The following ST14 variants were observed in gnomAD, a reference collection of about 807,000 sequenced individuals.
ST14 encodes the protein suppressor of tumorigenicity 14 protein.
Under a neutral mutation model 96.5 loss-of-function variants are expected in ST14, and 40 were observed. The observed-to-expected ratio is 0.41, with a 90% CI of 0.32 to 0.54. The LOEUF is 0.54. Among genes scored for constraint, ST14 ranks in the 20% least tolerant of loss-of-function variants. The pLI, the probability that ST14 is intolerant of heterozygous loss-of-function variation, is 0.17. For missense variants in ST14, 1,066 were observed against 1,188.9 expected, an observed-to-expected ratio of 0.90 and a Z score of 1.52; for synonymous variants, 506 against 492.1, an observed-to-expected ratio of 1.03 and a Z score of -0.37.
At chr11:130,176,733 G>A (rs1390634372) in intron 1 of ST14, among the ~76,000 whole-genome samples, 4 of 149,622 alleles carry the variant, frequency 2.7e-5, no homozygotes, top group African/African-American at 9.8e-5. Flanking sequence ...CCTGTCTGGC[G>A]ATCTGTGAGA....
chr11:130,203,947 G>A (rs191749544), intron 16 of ST14, among the ~76,000 whole-genome samples: 3 of 152,260 alleles, frequency 2.0e-5, no homozygotes, highest in South Asian at 2.1e-4. Flanking sequence ...GAGCCACCAC[G>A]CCCGGCCACC....
chr11:130,191,653 A>G (rs377753380), intron 7 of ST14, among the ~76,000 whole-genome samples: 28 of 146,810 alleles, frequency 1.9e-4, no homozygotes, highest in South Asian at 6.4e-4. Context: ...TCGTACCACT[A>G]CACTCCAGCC....
chr11:130,209,326 C>A, intron 17 of ST14, 116 bp from the exon 18 acceptor site: 1 of 1,388,754 alleles, frequency 7.2e-7, no homozygotes, highest in Non-Finnish European at 9.9e-7. Context: ...CGTTTGTCAG[C>A]CCCGGGCATC....
rs1447301335 is a variant in ST14 at position 130,187,985 on chromosome 11, C to T, written c.82-129C>T. 2.2e-6 allele frequency: 3 copies of T among 1,334,174 alleles called. No homozygotes were observed. The highest frequency in any genetic ancestry group is 5.0e-5 in the East Asian group (2 of 39,894). 82.6% of individuals were successfully genotyped at this position (1,334,174 alleles called of 1,614,324 possible). On this transcript the variant is annotated intron_variant, in intron 1 of 18. Transcript: ENST00000278742. The surrounding 1 kb of genome is among the most constrained non-coding windows in gnomAD (Gnocchi z 4.5). Reference sequence around the variant, plus strand: ...GTCCCCATGCCTCTGGGGGAAGCCCCCTTCTTCTCACCCAAGCCCCTGCTT... The same window carrying T: ...GTCCCCATGCCTCTGGGGGAAGCCCTCTTCTTCTCACCCAAGCCCCTGCTT...
chr11:130,197,732 C>T (rs1457228068), intron 11 of ST14, 109 bp from the exon 12 acceptor site: 1 of 934,334 alleles, frequency 1.1e-6, no homozygotes, highest in Admixed American at 2.2e-5. Context: ...CAGCACCTGC[C>T]CTGCTCCTGT....
intron 8 of ST14, 65 bp from the exon 9 acceptor site, chr11:130,194,575 C>A: frequency 6.5e-7 from 1 of 1,531,162 alleles, no homozygotes; most frequent in Non-Finnish European, 9.0e-7. Context: ...GCTGCAGAGC[C>A]CTCGTCCGCC....
In ST14 at chr11:130,188,287, G is replaced by A. The variant is rs756256468; in HGVS notation, c.241+14G>A. ...GGCATTTGCAGTGTGAGTAAAGCTG[G>A]GGCTGGCTCCGGGGAGGACGACAAG... On this transcript the variant is annotated intron_variant, in intron 2 of 18. Transcript: ENST00000278742. This position sits in a 1 kb window ranked among gnomAD's most constrained non-coding sequence, Gnocchi z 5.4. 6.2e-7 allele frequency: 1 copy of A among 1,610,300 alleles called. No homozygotes were observed. The highest frequency in any genetic ancestry group is 1.7e-5 in the Admixed American group (1 of 59,906).
chr11:130,171,266 C>T (rs1441646740), intron 1 of ST14, among the ~76,000 whole-genome samples: 1 of 152,134 alleles, frequency 6.6e-6, no homozygotes, highest in Middle Eastern at 3.2e-3. Context: ...TTTCCTCCTG[C>T]CCTCTTTATC....
chr11:130,190,196 G>A (rs1411673738), intron 6 of ST14, 48 bp downstream of exon 6: 6 of 1,612,576 alleles, frequency 3.7e-6, no homozygotes, highest in Middle Eastern at 3.3e-4. Context: ...GAGGCGGGAT[G>A]TGGCCAGATG....
chr11:130,195,834 CAG>C (rs1477127139), intron 9 of ST14, among the ~76,000 whole-genome samples: 1 of 134,606 alleles, frequency 7.4e-6, no homozygotes, highest in Non-Finnish European at 1.5e-5. Context: ...GTCTGGGTGA[CAG>C]AGTGAGACTT....
intron 7 of ST14, among the ~76,000 whole-genome samples, chr11:130,192,317 GT>G (rs1208338512): frequency 6.6e-6 from 1 of 152,234 alleles, no homozygotes; most frequent in Admixed American, 6.5e-5. Flanking sequence ...CATGTTCCCA[GT>G]GGGAGAAGGA....
At chr11:130,209,407 G>T in intron 17 of ST14, 35 bp from the exon 18 acceptor site, 1 of 1,563,580 alleles carries the variant, frequency 6.4e-7, no homozygotes, top group Non-Finnish European at 8.7e-7. Flanking sequence ...CCTCGAAGCA[G>T]CCCGGCTCTC....
At chr11:130,184,126 G>A (rs1665376543) in intron 1 of ST14, among the ~76,000 whole-genome samples, 1 of 152,210 alleles carries the variant, frequency 6.6e-6, no homozygotes, top group Non-Finnish European at 1.5e-5. Flanking sequence ...ATGGATTCAG[G>A]GAGGAACATG....
chr11:130,183,472 C>A (rs1414542868), intron 1 of ST14, among the ~76,000 whole-genome samples: 1 of 151,052 alleles, frequency 6.6e-6, no homozygotes, highest in African/African-American at 2.4e-5. Context: ...ACTCAGGAGG[C>A]TGATGCAGGA....
chr11:130,198,527 C>T lies in ST14; in HGVS notation c.1590C>T (p.Phe530=), dbSNP rs962928989. Residue 530 remains phenylalanine (F), a synonymous_variant, in exon 14 of 19, where the codon TTC becomes TTT. Transcript: ENST00000278742. The part of the protein sequence containing the change: ...EQGCSCPAQT[F]RCSNGKCLSK... ...CTCCAGGTTGTCCGGCCCAGACCTT[C>T]AGGTGTTCCAATGGGAAGTGCCTCT... 4 of 1,613,978 alleles carry T rather than the reference C, an allele frequency of 2.5e-6. No individual in the cohort carries two copies. The highest frequency in any genetic ancestry group is 2.7e-5 in the African/African-American group (2 of 74,920).
Position 130,188,115 on chromosome 11 carries a change from A to G in ST14, c.83A>G (p.Lys28Arg). ...AGLKYNSRHE[K>R]VNGLEEGVEF... Reference sequence around the variant, plus strand: ...GTGGTGGCGCCTCTCTCCCTGCAGAAAGTGAATGGCTTGGAGGAAGGCGTG... The same window carrying G: ...GTGGTGGCGCCTCTCTCCCTGCAGAGAGTGAATGGCTTGGAGGAAGGCGTG... The change falls in exon 2 of 19, where the codon AAA becomes AGA. Residue 28 changes from lysine to arginine, a missense_variant and splice_region_variant. Transcript: ENST00000278742. The surrounding 1 kb of genome is among the most constrained non-coding windows in gnomAD (Gnocchi z 5.4). 6.2e-7 allele frequency: 1 copy of G among 1,614,090 alleles called. No individual in the cohort carries two copies. The highest frequency in any genetic ancestry group is 1.3e-5 in the African/African-American group (1 of 75,022).
At chr11:130,169,090 G>A (rs906839765) in intron 1 of ST14, among the ~76,000 whole-genome samples, 2 of 140,590 alleles carry the variant, frequency 1.4e-5, no homozygotes, top group East Asian at 4.2e-4. Context: ...ATAATATAAT[G>A]GGTTTTTTTT....
chr11:130,162,218 C>T (rs1033228221), intron 1 of ST14, among the ~76,000 whole-genome samples: 1 of 152,162 alleles, frequency 6.6e-6, no homozygotes, highest in African/African-American at 2.4e-5. Context: ...TGGCCCCTGC[C>T]CCACCCCTGC....
chr11:130,207,087 G>A (rs1170623927), intron 16 of ST14, among the ~76,000 whole-genome samples: 2 of 152,064 alleles, frequency 1.3e-5, no homozygotes, highest in Admixed American at 1.3e-4. Context: ...GTGCTCGATC[G>A]CTTCCTGCAG....
Sources: gnomAD v4.1 joint callset for allele counts (sites outside exome capture counted in the v4.1 genomes callset) on GRCh38, gnomAD v4.1.1 for gene constraint, Gnocchi (gnomAD v3.1) non-coding constraint, MANE v1.5 for transcripts, NCBI Gene and HGNC (gene_info 2026-07-23, HGNC 2026-07-21) for gene names.